The following RHOBTB3 variants were observed in gnomAD, a reference collection of about 807,000 sequenced individuals.
RHOBTB3 encodes Rho related BTB domain containing 3.
In RHOBTB3, 47 loss-of-function variants were observed where a neutral mutation model predicts 67.2. That is an observed-to-expected ratio of 0.70 (90% CI 0.55 to 0.89). RHOBTB3 has a LOEUF of 0.89. Ranked by LOEUF, RHOBTB3 falls within the 40% of genes least tolerant of loss-of-function variation. RHOBTB3 has a pLI of 0.00. For synonymous variants in RHOBTB3, 273 were observed against 274.2 expected, an observed-to-expected ratio of 1.00 and a Z score of 0.04; for missense variants, 631 against 750.0, an observed-to-expected ratio of 0.84 and a Z score of 1.85.
chr5:95,791,851 C>A (rs1450897084), intron 11 of RHOBTB3, among the ~76,000 whole-genome samples: 1 of 152,002 alleles, frequency 6.6e-6, no homozygotes, highest in Non-Finnish European at 1.5e-5. Flanking sequence ...TGGCCTCCAG[C>A]AAGGTCTTTA....
intron 3 of RHOBTB3, among the ~76,000 whole-genome samples, chr5:95,745,794 G>T (rs985538405): frequency 6.6e-6 from 1 of 152,046 alleles, no homozygotes; most frequent in Admixed American, 6.6e-5. Flanking sequence ...TCCTCTGCTT[G>T]TTCCTGATTA....
intron 1 of RHOBTB3, among the ~76,000 whole-genome samples, chr5:95,718,228 C>T (rs1754742994): frequency 6.6e-6 from 1 of 151,972 alleles, no homozygotes; most frequent in Non-Finnish European, 1.5e-5. Flanking sequence ...TAGAGACTTG[C>T]ATATGTTTAA....
At chr5:95,751,530 C>A (rs2112794996) in intron 4 of RHOBTB3, 1 of 150,630 alleles carries the variant, frequency 6.6e-6, no homozygotes, top group Admixed American at 6.6e-5. Context: ...ACCAACAATT[C>A]CTTCCTTGAA....
Position 95,731,737 on chromosome 5 carries a change from C to A in RHOBTB3, c.2+53C>A, listed in dbSNP as rs908986277. ...GTCTCTCTCCAGCGCGTGCCGTGCG[C>A]CCCAGGGACAGGGGCTGGTGCCCAT... On this transcript the variant is annotated intron_variant, in intron 1 of 11. Transcript: ENST00000379982. 5.6e-6 allele frequency: 9 copies of A among 1,611,800 alleles called. No homozygotes were observed. The East Asian group carries it at 1.8e-4, about 32-fold the overall frequency.
chr5:95,755,820 G>A (rs980403601), intron 6 of RHOBTB3, 59 bp downstream of exon 6: 4 of 1,563,136 alleles, frequency 2.6e-6, no homozygotes, highest in Non-Finnish European at 3.5e-6. Flanking sequence ...AATGAAATGT[G>A]CCTGTGACAC....
chr5:95,767,635 A>T (rs546016058), intron 7 of RHOBTB3: 1 of 545,956 alleles, frequency 1.8e-6, no homozygotes, highest in Non-Finnish European at 3.3e-6. Flanking sequence ...CTGGCCAAAA[A>T]ATGTATTTTT....
In RHOBTB3 at chr5:95,783,889, C is replaced by T. The variant is rs774022482; in HGVS notation, c.1549C>T (p.Gln517Ter). The T allele has an allele frequency of 1.5e-5, 25 of 1,613,866 alleles. No individual in the cohort carries two copies. Among genetic ancestry groups the T allele is most frequent in the Non-Finnish European group, 2.1e-5 (25 of 1,179,916 alleles). ...CATCTGTGAGCTGTTCATCATTACC[C>T]AGCTGCAGAGCATGCCAAGCAGGGA... ...QHICELFIITQLQSMPSRELA... is the reference protein window; with the variant it reads ...QHICELFIIT Residue 517 changes from glutamine to a stop codon, truncating the protein, a stop_gained, in exon 10 of 12, where the codon CAG (glutamine) becomes TAG (stop). Transcript: ENST00000379982. LOFTEE classifies it high-confidence loss of function.
At chr5:95,770,102 T>C in intron 8 of RHOBTB3, 1 of 276,748 alleles carries the variant, frequency 3.6e-6, no homozygotes. Flanking sequence ...TGGTGACAAG[T>C]CTTGAATTGA....
At chr5:95,754,999 G>A (rs1320893628) in intron 5 of RHOBTB3, among the ~76,000 whole-genome samples, 1 of 152,164 alleles carries the variant, frequency 6.6e-6, no homozygotes, top group Non-Finnish European at 1.5e-5. Context: ...TAAAAGTAAA[G>A]AAGGATGACT....
At chr5:95,741,457 A>G (rs900104551) in intron 3 of RHOBTB3, among the ~76,000 whole-genome samples, 2 of 149,506 alleles carry the variant, frequency 1.3e-5, no homozygotes, top group Non-Finnish European at 3.0e-5. Context: ...CCAGGATGCA[A>G]TTAAATATTA....
rs774409900 is a variant in RHOBTB3, at chr5:95,732,146, C to T, written c.228+62C>T. 13 of 1,465,962 alleles carry T rather than the reference C, an allele frequency of 8.9e-6. No homozygotes were observed. In the African/African-American group the frequency reaches 1.3e-4, roughly 14 times the overall value. The allele number at this position is 1,465,962 out of a possible 1,614,324, so 90.8% of individuals were successfully genotyped here. A position where few individuals can be genotyped will look rare whatever the true frequency, so the allele number is the denominator to read the frequency against. ...AAGCTTTTCTTTCCTTTTTTTTCCC[C>T]CTCCCCCTTCTGCCCACTTCCGTGA... On this transcript the variant is annotated intron_variant, in intron 2 of 11. Coordinates refer to ENST00000379982, the MANE Select transcript of RHOBTB3 (RefSeq NM_014899.4).
At chr5:95,772,170 A>T (rs1249631749) in intron 8 of RHOBTB3, among the ~76,000 whole-genome samples, 1 of 152,130 alleles carries the variant, frequency 6.6e-6, no homozygotes, top group Non-Finnish European at 1.5e-5. Flanking sequence ...CATTATAACA[A>T]CCTAGGGCAC....
At chr5:95,782,762 A>T (rs918848903) in intron 9 of RHOBTB3, 3 of 150,538 alleles carry the variant, frequency 2.0e-5, no homozygotes, top group African/African-American at 7.4e-5. Context: ...GTGAGCCAAG[A>T]TCGCACCACT....
intron 2 of RHOBTB3, among the ~76,000 whole-genome samples, chr5:95,734,723 C>T (rs1755412010): frequency 6.6e-6 from 1 of 152,068 alleles, no homozygotes. Context: ...AAATATTCCA[C>T]AAAAAGCAGT....
intron 11 of RHOBTB3, among the ~76,000 whole-genome samples, chr5:95,791,703 C>T (rs949108854): frequency 1.3e-5 from 2 of 151,642 alleles, no homozygotes; most frequent in Non-Finnish European, 1.5e-5. Flanking sequence ...GCTAATTTTT[C>T]TTTTCTTTTC....
chr5:95,795,187 T>G lies in RHOBTB3; in HGVS notation c.*2013T>G, dbSNP rs1292363446. On this transcript the variant is annotated 3_prime_UTR_variant, in exon 12 of 12. Transcript: ENST00000379982. ...AATATTTTAATTGGGCTGATTTTAA[T>G]TAGGCTGTATCATTGATGATTACTG... 9 of 152,112 alleles carry G rather than the reference T, an allele frequency of 5.9e-5. No homozygotes were observed. The highest frequency in any genetic ancestry group is 1.3e-4 in the Non-Finnish European group (9 of 68,016). The allele number at this position is 152,112 out of a possible 1,614,324, so 9.4% of individuals were successfully genotyped here.
upstream of RHOBTB3, among the ~76,000 whole-genome samples, chr5:95,729,130 A>T (rs772108506): frequency 6.6e-6 from 1 of 152,256 alleles, no homozygotes; most frequent in Non-Finnish European, 1.5e-5. Flanking sequence ...CGAGCAGCCC[A>T]TGACACTGCT....
At chr5:95,765,082 A>G (rs1462313468) in intron 7 of RHOBTB3, among the ~76,000 whole-genome samples, 2 of 152,132 alleles carry the variant, frequency 1.3e-5, no homozygotes, top group Non-Finnish European at 1.5e-5. Flanking sequence ...CATCACGTAC[A>G]TTTGTGTTCT....
Position 95,752,315 on chromosome 5 carries a change from T to C in RHOBTB3, c.647T>C (p.Phe216Ser). 6.2e-7 allele frequency: 1 copy of C among 1,608,082 alleles called. No individual in the cohort carries two copies. The highest frequency in any genetic ancestry group is 8.5e-7 in the Non-Finnish European group (1 of 1,177,660). ...AAGAAAAGAAAAATGAGCAACTCCT[T>C]TCATGGAATTAGACCACCTCAACTT... ...KMKKRKMSNS[F>S]HGIRPPQLEQ... Residue 216 changes from phenylalanine to serine, a missense_variant, in exon 5 of 12, where the codon TTT becomes TCT. Transcript: ENST00000379982.
Sources: allele counts gnomAD v4.1 joint callset (sites outside exome capture counted in the v4.1 genomes callset), GRCh38; gene constraint gnomAD v4.1.1; transcripts MANE v1.5; gene names NCBI Gene and HGNC (gene_info 2026-07-23, HGNC 2026-07-21).